Variants in NLGN1 observed in about 807,000 individuals in gnomAD.
NLGN1 encodes neuroligin 1, also known as neuroligin-1.
Under a neutral mutation model 65.5 loss-of-function variants are expected in NLGN1, and 12 were observed. The ratio of observed to expected loss-of-function variants is 0.18; its 90% CI spans 0.12 to 0.30. The LOEUF (loss-of-function observed/expected upper bound fraction) is 0.30. Ranked by LOEUF, NLGN1 falls within the 10% of genes least tolerant of loss-of-function variation. The pLI is 1.00. For synonymous variants in NLGN1, 350 were observed against 359.5 expected, an observed-to-expected ratio of 0.97 and a Z score of 0.30; for missense variants, 750 against 1,007.1, an observed-to-expected ratio of 0.74 and a Z score of 3.46.
chr3:174,243,429 C>G (rs1434831452), intron 4 of NLGN1, among the ~76,000 whole-genome samples: 1 of 152,154 alleles, frequency 6.6e-6, no homozygotes, highest in Non-Finnish European at 1.5e-5. Flanking sequence ...CGCCACAAAG[C>G]AACACTTTTA....
chr3:174,003,996 A>G (rs183947011), intron 4 of NLGN1, among the ~76,000 whole-genome samples: 62 of 152,256 alleles, frequency 4.1e-4, no homozygotes, highest in African/African-American at 1.4e-3. Context: ...AAACTTTATA[A>G]GTGAGTTAAA....
intron 3 of NLGN1, among the ~76,000 whole-genome samples, chr3:173,705,163 T>A (rs1021806): frequency 0.19 from 29,299 of 151,876 alleles, 3,073 homozygotes; most frequent in Admixed American, 0.24. Context: ...CATTTTTTTT[T>A]TAACTGAAAT....
At chr3:174,178,753 G>A (rs1577233587) in intron 4 of NLGN1, among the ~76,000 whole-genome samples, 1 of 151,920 alleles carries the variant, frequency 6.6e-6, no homozygotes, top group East Asian at 1.9e-4. Context: ...TTCGTGCTGT[G>A]CTCTGCTTCA....
intron 4 of NLGN1, among the ~76,000 whole-genome samples, chr3:173,935,639 C>G (rs535839852): frequency 1.4e-5 from 2 of 147,004 alleles, no homozygotes; most frequent in East Asian, 3.9e-4. Flanking sequence ...CTCTCTCTCT[C>G]TCTCTCTCTC....
chr3:173,505,604 T>C (rs1162816845), intron 2 of NLGN1, among the ~76,000 whole-genome samples: 2 of 152,040 alleles, frequency 1.3e-5, no homozygotes, highest in Non-Finnish European at 2.9e-5. Flanking sequence ...GAATATTACC[T>C]CCACCTTGAA....
chr3:173,539,559 A>G (rs1214895160), intron 2 of NLGN1, among the ~76,000 whole-genome samples: 1 of 141,938 alleles, frequency 7.0e-6, no homozygotes, highest in Non-Finnish European at 1.5e-5. Context: ...TATATACATA[A>G]TATATATAAC....
intron 2 of NLGN1, among the ~76,000 whole-genome samples, chr3:173,496,040 T>C (rs1367152419): frequency 2.0e-5 from 3 of 151,806 alleles, no homozygotes; most frequent in Admixed American, 2.0e-4. Flanking sequence ...TATCTATGCT[T>C]GTTCTCATCT....
At position 174,279,703 on chromosome 3, in the gene NLGN1, T is replaced by G; in HGVS notation, c.1649+53T>G. On this transcript the variant is annotated intron_variant, in intron 6 of 6. Transcript: ENST00000457714. The surrounding 1 kb of genome is among the most constrained non-coding windows in gnomAD (Gnocchi z 4.7). ...TTTAATAAAAATGTTATTTTAACCATTTTAAAATAATAGATATTTATGCCC... is the reference window on the plus strand; with the variant it reads ...TTTAATAAAAATGTTATTTTAACCAGTTTAAAATAATAGATATTTATGCCC... 1 of 1,094,978 alleles carries G rather than the reference T, an allele frequency of 9.1e-7. No individual in the cohort carries two copies. Among genetic ancestry groups the G allele is most frequent in the South Asian group, 1.6e-5 (1 of 62,758 alleles). The allele number at this position is 1,094,978 out of a possible 1,614,324, so 67.8% of individuals were successfully genotyped here. A position where few individuals can be genotyped will look rare whatever the true frequency, so the allele number is the denominator to read the frequency against.
intron 3 of NLGN1, among the ~76,000 whole-genome samples, chr3:173,743,621 A>T (rs1246447316): frequency 6.6e-6 from 1 of 152,104 alleles, no homozygotes; most frequent in Non-Finnish European, 1.5e-5. Flanking sequence ...TATTGCTAAC[A>T]TTCTGTTTTC....
At chr3:173,779,756 G>C (rs1399731318) in intron 3 of NLGN1, among the ~76,000 whole-genome samples, 1 of 152,088 alleles carries the variant, frequency 6.6e-6, no homozygotes, top group African/African-American at 2.4e-5. Context: ...TGGATTTTGA[G>C]GAGAGTTGTC....
At chr3:173,691,163 C>T (rs1268843635) in intron 3 of NLGN1, among the ~76,000 whole-genome samples, 2 of 152,048 alleles carry the variant, frequency 1.3e-5, no homozygotes, top group Non-Finnish European at 2.9e-5. Context: ...AGGGAATACT[C>T]CTACTCCTGT....
intron 4 of NLGN1, among the ~76,000 whole-genome samples, chr3:173,903,550 T>C (rs1560594810): frequency 6.6e-6 from 1 of 152,176 alleles, no homozygotes; most frequent in Non-Finnish European, 1.5e-5. Flanking sequence ...TTTTCCTATT[T>C]GTTACTAGAG....
At chr3:173,527,999 T>A (rs142219020) in intron 2 of NLGN1, among the ~76,000 whole-genome samples, 1,737 of 152,364 alleles carry the variant, frequency 0.011, 33 homozygotes, top group African/African-American at 0.04. Context: ...AATAGTGTTG[T>A]TAGCTAGTTG....
At chr3:173,890,106 A>G (rs767631681) in intron 4 of NLGN1, among the ~76,000 whole-genome samples, 1 of 152,142 alleles carries the variant, frequency 6.6e-6, no homozygotes, top group African/African-American at 2.4e-5. Context: ...AGCTGTTAAG[A>G]GCAATGAATA....
chr3:173,651,247 T>C lies in NLGN1; in HGVS notation c.493+46156T>C, dbSNP rs144894954. ...AATGACCTCTAGTTCTATCCATGTATGATTTCATTCTTTATATGGCTGAAT... is the reference window on the plus strand; with the variant it reads ...AATGACCTCTAGTTCTATCCATGTACGATTTCATTCTTTATATGGCTGAAT... On this transcript the variant is annotated intron_variant, in intron 3 of 6. Coordinates refer to ENST00000457714, the Ensembl canonical transcript of NLGN1. Among the ~76,000 whole-genome samples the C allele has an allele frequency of 3.3e-5, 5 of 151,822 alleles. No homozygotes were observed. The East Asian group carries it at 9.7e-4, about 29-fold the overall frequency.
At chr3:173,824,109 A>G (rs1330645358) in intron 4 of NLGN1, among the ~76,000 whole-genome samples, 2 of 152,092 alleles carry the variant, frequency 1.3e-5, no homozygotes, top group Admixed American at 1.3e-4. Flanking sequence ...ACAATAACAC[A>G]TTTAAGGAGC....
intron 4 of NLGN1, among the ~76,000 whole-genome samples, chr3:173,829,925 A>T (rs2150585110): frequency 6.6e-6 from 1 of 150,656 alleles, no homozygotes; most frequent in East Asian, 2.0e-4. Context: ...TAAATAGCTA[A>T]TTGATCCAAA....
chr3:173,492,677 T>C (rs1001920112), intron 2 of NLGN1, among the ~76,000 whole-genome samples: 3 of 151,856 alleles, frequency 2.0e-5, no homozygotes, highest in Non-Finnish European at 2.9e-5. Flanking sequence ...GGAGATATTT[T>C]TAAAGATATT....
intron 3 of NLGN1, among the ~76,000 whole-genome samples, chr3:173,793,740 A>G (rs1433648828): frequency 6.6e-6 from 1 of 152,134 alleles, no homozygotes; most frequent in Non-Finnish European, 1.5e-5. Flanking sequence ...TCACTTCCAT[A>G]AAGCAATTCT....
Sources: allele counts gnomAD v4.1 joint callset (sites outside exome capture counted in the v4.1 genomes callset), GRCh38; gene constraint gnomAD v4.1.1; non-coding constraint Gnocchi (gnomAD v3.1); transcripts MANE v1.5; gene names NCBI Gene and HGNC (gene_info 2026-07-23, HGNC 2026-07-21).